The following PBRM1 variants were observed in gnomAD, a reference collection of about 807,000 sequenced individuals.
PBRM1 encodes polybromo 1.
A neutral mutation model predicts 194.5 loss-of-function variants in PBRM1; 27 were observed. The observed-to-expected ratio is 0.14, with a 90% CI of 0.10 to 0.19. The LOEUF is 0.19. Among genes scored for constraint, PBRM1 ranks in the 10% least tolerant of loss-of-function variants. PBRM1 has a pLI of 1.00. For synonymous variants in PBRM1, 655 were observed against 693.2 expected, an observed-to-expected ratio of 0.94 and a Z score of 0.87; for missense variants, 1,466 against 2,077.2, an observed-to-expected ratio of 0.71 and a Z score of 5.72.
intron 10 of PBRM1, among the ~76,000 whole-genome samples, 163 bp from the exon 12 acceptor site, chr3:52,634,978 T>C (rs534079665): frequency 5.7e-4 from 87 of 152,270 alleles, no homozygotes; most frequent in African/African-American, 2.0e-3. Flanking sequence ...CAGGCTGGAG[T>C]GCAAGGGTGC....
At chr3:52,611,030 T>C (rs1321116971) in intron 15 of PBRM1, among the ~76,000 whole-genome samples, 1 of 152,152 alleles carries the variant, frequency 6.6e-6, no homozygotes, top group South Asian at 2.1e-4. Context: ...CAGCCATATG[T>C]TTAAGTCTGG....
At chr3:52,681,788 A>G, upstream of PBRM1, 1 of 859,294 alleles carries the variant, frequency 1.2e-6, no homozygotes, top group Non-Finnish European at 1.4e-6. Context: ...GAAGGGCTTT[A>G]GAAGTGCTGA....
intron 14 of PBRM1, among the ~76,000 whole-genome samples, chr3:52,616,420 G>A (rs1377595974): frequency 1.3e-5 from 2 of 152,190 alleles, no homozygotes; most frequent in Non-Finnish European, 1.5e-5. Flanking sequence ...TTGGCCAGGC[G>A]CAGTGGCTCA....
chr3:52,551,740 T>G lies in PBRM1; in HGVS notation c.4610-923A>C, dbSNP rs2081033978. ...TGTTCTTGAAAACTTAAACAAATCC[T>G]GCTGGCTGTGTAGAAGAATCGAGAG... On this transcript the variant is annotated intron_variant, in intron 27 of 29. Coordinates refer to ENST00000296302, the Ensembl canonical transcript of PBRM1. The G allele has an allele frequency of 2.0e-5, 3 of 152,238 alleles. No homozygotes were observed. The South Asian group carries it at 6.2e-4, about 31-fold the overall frequency. 9.4% of individuals were successfully genotyped at this position (152,238 alleles called of 1,614,324 possible). A position where few individuals can be genotyped will look rare whatever the true frequency, so the allele number is the denominator to read the frequency against.
Position 52,576,451 on chromosome 3 carries a change from C to A in PBRM1, c.3691+90G>T. On this transcript the variant is annotated intron_variant, in intron 22 of 29. Transcript: ENST00000296302. The stretch of plus-strand genomic sequence containing the variant: ...ATTTGGATTTGGGCACTGCTCTATA[C>A]CTAACACCTAGAACAGTGCCCCACA... 3.0e-6 allele frequency: 3 copies of A among 990,526 alleles called. No homozygotes were observed. The South Asian group carries it at 5.5e-5, about 18-fold the overall frequency. The allele number at this position is 990,526 out of a possible 1,614,324, so 61.4% of individuals were successfully genotyped here.
At chr3:52,576,563 G>A in exon 22 of PBRM1, 2 of 1,605,700 alleles carry the variant, frequency 1.2e-6, no homozygotes, top group Non-Finnish European at 1.7e-6. Context: ...TCATGGGGCA[G>A]GTTTCTTCCA....
chr3:52,608,471 T>C (rs3774365), intron 16 of PBRM1, among the ~76,000 whole-genome samples: 51,994 of 151,988 alleles, frequency 0.34, 9,895 homozygotes, highest in Admixed American at 0.46. Flanking sequence ...GTTTTTTTTC[T>C]TTTATTTGCA....
At chr3:52,549,915 AC>A (rs1201790775) in intron 29 of PBRM1, among the ~76,000 whole-genome samples, 1 of 149,574 alleles carries the variant, frequency 6.7e-6, no homozygotes, top group East Asian at 2.0e-4. Flanking sequence ...AAAAAAAAAA[AC>A]AACCCAAAAA....
chr3:52,625,067 T>G (rs2095404584), intron 13 of PBRM1, 126 bp from the exon 15 acceptor site: 4 of 705,552 alleles, frequency 5.7e-6, no homozygotes, highest in Non-Finnish European at 1.0e-5. Context: ...AGACAATATT[T>G]GAAACATTTC....
chr3:52,613,120 ATTTTAT>A (rs2094736327), intron 15 of PBRM1, among the ~76,000 whole-genome samples: 3 of 152,082 alleles, frequency 2.0e-5, no homozygotes, highest in South Asian at 4.1e-4. Context: ...TGCATATTTT[ATTTTAT>A]TTTTATTTGT....
rs769275637 is a variant in PBRM1 at position 52,548,254 on chromosome 3, A to C, written c.4898-19T>G. 1 of 1,541,430 alleles carries C rather than the reference A, an allele frequency of 6.5e-7. No homozygotes were observed. The highest frequency in any genetic ancestry group is 2.3e-5 in the Admixed American group (1 of 42,850). ...CTTCGAGCTGAAAATTAAAGTACAGAGAGACAGAAATTAGAATTTTAAGTT... is the reference window on the plus strand; with the variant it reads ...CTTCGAGCTGAAAATTAAAGTACAGCGAGACAGAAATTAGAATTTTAAGTT... On this transcript the variant is annotated intron_variant, in intron 29 of 29. Transcript: ENST00000296302.
At chr3:52,623,183 G>A (rs1211041206) in intron 13 of PBRM1, among the ~76,000 whole-genome samples, 1 of 152,166 alleles carries the variant, frequency 6.6e-6, no homozygotes, top group Non-Finnish European at 1.5e-5. Context: ...AACTACTCAG[G>A]AGGCTGAGGT....
chr3:52,672,014 C>T (rs1405651750), intron 2 of PBRM1, among the ~76,000 whole-genome samples: 2 of 152,186 alleles, frequency 1.3e-5, no homozygotes, highest in East Asian at 1.9e-4. Flanking sequence ...AAACAAAACC[C>T]ATTTATTATA....
chr3:52,598,002 C>A (rs2093700459), intron 17 of PBRM1, among the ~76,000 whole-genome samples: 1 of 152,148 alleles, frequency 6.6e-6, no homozygotes, highest in East Asian at 1.9e-4. Flanking sequence ...CTGCACCCTG[C>A]CAATTATCTT....
At chr3:52,578,833 A>G (rs2090358166) in intron 21 of PBRM1, among the ~76,000 whole-genome samples, 1 of 152,208 alleles carries the variant, frequency 6.6e-6, no homozygotes, top group South Asian at 2.1e-4. Context: ...GTAGGCAGGG[A>G]GATTTCTGAG....
intron 8 of PBRM1, among the ~76,000 whole-genome samples, chr3:52,643,858 G>C (rs1215814821): frequency 1.3e-5 from 2 of 152,078 alleles, no homozygotes; most frequent in African/African-American, 4.8e-5. Context: ...TGAAGTCCCA[G>C]CTACTTGGGA....
chr3:52,636,588 T>C (rs913084030), intron 10 of PBRM1, among the ~76,000 whole-genome samples: 7 of 150,544 alleles, frequency 4.6e-5, no homozygotes, highest in Non-Finnish European at 1.0e-4. Context: ...AAACCCCGTC[T>C]CTACTAAAAA....
chr3:52,579,274 CTT>C, intron 20 of PBRM1, 75 bp from the exon 23 acceptor site: 1 of 1,369,374 alleles, frequency 7.3e-7, no homozygotes, highest in Non-Finnish European at 1.0e-6. Flanking sequence ...CGAAAGCAGA[CTT>C]TTCTTTCACA....
chr3:52,616,943 C>T (rs892314383), intron 14 of PBRM1, among the ~76,000 whole-genome samples: 4 of 152,078 alleles, frequency 2.6e-5, no homozygotes, highest in African/African-American at 9.7e-5. Context: ...TCTTTTAAAT[C>T]CTACAACAAC....
Sources: allele counts gnomAD v4.1 joint callset (sites outside exome capture counted in the v4.1 genomes callset), GRCh38; gene constraint gnomAD v4.1.1; transcripts MANE v1.5; gene names NCBI Gene and HGNC (gene_info 2026-07-23, HGNC 2026-07-21).